The following TGFBR3 variants were observed in gnomAD, a reference collection of about 807,000 sequenced individuals.
TGFBR3 encodes transforming growth factor beta receptor 3, also known as transforming growth factor beta receptor type 3.
TGFBR3 carries 46 observed loss-of-function variants against 87.9 expected under a neutral mutation model. The ratio of observed to expected loss-of-function variants is 0.52; its 90% CI spans 0.41 to 0.67. TGFBR3 has a LOEUF of 0.67. Ranked by LOEUF, TGFBR3 falls within the 30% of genes least tolerant of loss-of-function variation. TGFBR3 has a pLI of 0.00. For synonymous variants in TGFBR3, 381 were observed against 391.6 expected, an observed-to-expected ratio of 0.97 and a Z score of 0.32; for missense variants, 866 against 1,041.9, an observed-to-expected ratio of 0.83 and a Z score of 2.32.
chr1:91,853,881 C>T (rs963392770), intron 2 of TGFBR3, among the ~76,000 whole-genome samples: 6 of 152,044 alleles, frequency 3.9e-5, no homozygotes, highest in South Asian at 2.1e-4. Flanking sequence ...GGTGTGGCGG[C>T]GCATGCCTGT....
chr1:91,785,721 C>A (rs1003030252), intron 3 of TGFBR3, among the ~76,000 whole-genome samples: 1 of 152,088 alleles, frequency 6.6e-6, no homozygotes. Context: ...GGGAATCCTT[C>A]CCTCACTTCC....
intron 2 of TGFBR3, among the ~76,000 whole-genome samples, chr1:91,822,560 A>G (rs967501179): frequency 6.6e-6 from 1 of 152,146 alleles, no homozygotes; most frequent in African/African-American, 2.4e-5. Context: ...CTTCAACTCT[A>G]TTAATTTCTG....
At chr1:91,896,711 A>T (rs1679559409) in intron 2 of TGFBR3, among the ~76,000 whole-genome samples, 1 of 152,146 alleles carries the variant, frequency 6.6e-6, no homozygotes, top group South Asian at 2.1e-4. Flanking sequence ...TATTGCTCTT[A>T]TTTTGGTCTT....
At chr1:91,877,480 C>G (rs1678850125) in intron 1 of TGFBR3, among the ~76,000 whole-genome samples, 1 of 152,110 alleles carries the variant, frequency 6.6e-6, no homozygotes, top group African/African-American at 2.4e-5. Context: ...GCACACACCA[C>G]CATGCCTGGC....
chr1:91,750,419 C>T (rs1381603914), intron 4 of TGFBR3, among the ~76,000 whole-genome samples: 4 of 152,120 alleles, frequency 2.6e-5, no homozygotes, highest in Admixed American at 6.6e-5. Flanking sequence ...GCCAAAAACT[C>T]CTATTCCTAG....
intron 7 of TGFBR3, among the ~76,000 whole-genome samples, chr1:91,722,900 C>T (rs1370941489): frequency 6.6e-6 from 1 of 152,142 alleles, no homozygotes; most frequent in Non-Finnish European, 1.5e-5. Flanking sequence ...AGACCACTGT[C>T]GTATATGTGG....
upstream of TGFBR3, among the ~76,000 whole-genome samples, chr1:91,889,728 G>A (rs1371256400): frequency 6.6e-6 from 1 of 152,052 alleles, no homozygotes; most frequent in Non-Finnish European, 1.5e-5. Context: ...AGACTAGAGT[G>A]CAGCAGCGCG....
At chr1:91,766,198 C>CTTTTTT (rs749978314) in intron 3 of TGFBR3, among the ~76,000 whole-genome samples, 87 of 114,420 alleles carry the variant, frequency 7.6e-4, no homozygotes, top group Non-Finnish European at 1.0e-3. Context: ...AGTTTGTTTT[C>CTTTTTT]TTTTTTTTTT....
upstream of TGFBR3, among the ~76,000 whole-genome samples, chr1:91,888,606 G>A (rs1327336494): frequency 6.6e-6 from 1 of 152,150 alleles, no homozygotes; most frequent in Admixed American, 6.5e-5. Context: ...GGAGGCTGAG[G>A]CAAGAGAATC....
At chr1:91,754,606 C>T (rs561107260) in intron 4 of TGFBR3, among the ~76,000 whole-genome samples, 2 of 152,256 alleles carry the variant, frequency 1.3e-5, no homozygotes, top group Admixed American at 6.5e-5. Flanking sequence ...TTCTCCCTGC[C>T]TGACACGTTC....
In TGFBR3 at chr1:91,745,978, T is replaced by C. The variant is rs756610264; in HGVS notation, c.385-11019A>G. 2.2e-4 allele frequency among the ~76,000 whole-genome samples: 33 copies of C among 152,214 alleles called. 1 individual carries two copies. The highest frequency in any genetic ancestry group is 5.9e-4 in the Admixed American group (9 of 15,280). On this transcript the variant is annotated intron_variant, in intron 4 of 16. Coordinates refer to ENST00000212355, the MANE Select transcript of TGFBR3 (RefSeq NM_003243.5). The stretch of plus-strand genomic sequence containing the variant: ...ACCAGATTACTTTCTTCCAATAAAA[T>C]GACTTAAAACATATTTGACTATTAC...
chr1:91,803,510 C>T (rs284164), intron 2 of TGFBR3, among the ~76,000 whole-genome samples: 18,029 of 150,786 alleles, frequency 0.12, 1,465 homozygotes, highest in East Asian at 0.47. Context: ...ACTTGATGAA[C>T]ATGGAGCCAC....
chr1:91,736,780 A>G (rs1043776908), intron 4 of TGFBR3, among the ~76,000 whole-genome samples: 2 of 152,222 alleles, frequency 1.3e-5, no homozygotes, highest in African/African-American at 4.8e-5. Flanking sequence ...AACAGTCCAG[A>G]GGCCTTTGTC....
upstream of TGFBR3, among the ~76,000 whole-genome samples, chr1:91,888,781 C>G (rs1054470333): frequency 2.0e-5 from 3 of 152,204 alleles, no homozygotes; most frequent in Non-Finnish European, 2.9e-5. Flanking sequence ...TTAGGAGTGT[C>G]TTGTCTTTAA....
At position 91,727,705 on chromosome 1, in the gene TGFBR3, T is replaced by C. The variant is rs751741728; in HGVS notation, c.839A>G (p.Asn280Ser). 8 of 1,614,010 alleles carry C rather than the reference T, an allele frequency of 5.0e-6. No individual in the cohort carries two copies. The Admixed American group carries it at 1.2e-4, about 24-fold the overall frequency. The change falls in exon 7 of 17, where the codon AAC (asparagine) becomes AGC (serine). Residue 280 changes from asparagine to serine, a missense_variant. Transcript: ENST00000212355. ...ILILKCKKSV[N>S]WVIKSFDVKG... ...AACATCAAAAGATTTGATCACCCAG[T>C]TGACAGACTTTTTGCACTTCAAGAT...
intron 7 of TGFBR3, 46 bp downstream of exon 7, chr1:91,727,613 T>G: frequency 6.2e-7 from 1 of 1,609,544 alleles, no homozygotes; most frequent in South Asian, 1.1e-5. Flanking sequence ...GCTTAAATTG[T>G]TGTCATTTAT....
At chr1:91,878,963 C>T (rs1269637455) in intron 1 of TGFBR3, among the ~76,000 whole-genome samples, 3 of 152,082 alleles carry the variant, frequency 2.0e-5, no homozygotes, top group Non-Finnish European at 4.4e-5. Flanking sequence ...ATTATCTTGG[C>T]AACAGTTTAA....
At chr1:91,731,477 A>G (rs2100815415) in intron 5 of TGFBR3, among the ~76,000 whole-genome samples, 1 of 152,308 alleles carries the variant, frequency 6.6e-6, no homozygotes, top group Non-Finnish European at 1.5e-5. Flanking sequence ...TCAAGGCTCC[A>G]CTGACTCAGG....
chr1:91,845,437 G>A (rs1337639342), intron 2 of TGFBR3, among the ~76,000 whole-genome samples: 1 of 152,182 alleles, frequency 6.6e-6, no homozygotes, highest in Non-Finnish European at 1.5e-5. Context: ...TTTTAGATAA[G>A]TCTGAAATAT....
Sources: gnomAD v4.1 joint callset for allele counts (sites outside exome capture counted in the v4.1 genomes callset) on GRCh38, gnomAD v4.1.1 for gene constraint, MANE v1.5 for transcripts, NCBI Gene and HGNC (gene_info 2026-07-23, HGNC 2026-07-21) for gene names.